The following SLC9A9 variants were observed in gnomAD, a reference collection of about 807,000 sequenced individuals.
The protein encoded by SLC9A9 is solute carrier family 9 member A9.
Under a neutral mutation model 77.8 loss-of-function variants are expected in SLC9A9, and 62 were observed. The observed-to-expected ratio is 0.80, with a 90% CI of 0.65 to 0.98. The LOEUF is 0.98. Ranked by LOEUF, SLC9A9 falls within the 50% of genes least tolerant of loss-of-function variation. SLC9A9 has a pLI of 0.00. For missense variants in SLC9A9, 775 were observed against 774.9 expected (o/e 1.00, Z 0.00); for synonymous variants, 320 against 283.5 (o/e 1.13, Z -1.29).
intron 6 of SLC9A9, among the ~76,000 whole-genome samples, chr3:143,618,285 A>G (rs2038141434): frequency 6.6e-6 from 1 of 152,214 alleles, no homozygotes; most frequent in South Asian, 2.1e-4. Context: ...TTTATATTAA[A>G]TACATTGGGA....
At chr3:143,562,033 G>C (rs2037096197) in intron 8 of SLC9A9, among the ~76,000 whole-genome samples, 1 of 152,146 alleles carries the variant, frequency 6.6e-6, no homozygotes, top group Non-Finnish European at 1.5e-5. Flanking sequence ...TAAGCTACCA[G>C]ACTTACATGA....
intron 4 of SLC9A9, among the ~76,000 whole-genome samples, chr3:143,715,090 C>T (rs561759951): frequency 6.6e-6 from 1 of 152,318 alleles, no homozygotes; most frequent in South Asian, 2.1e-4. Context: ...GTCTCTCCAG[C>T]CAAGTGGAAC....
chr3:143,469,516 G>A (rs1373553496), intron 11 of SLC9A9, among the ~76,000 whole-genome samples: 1 of 152,158 alleles, frequency 6.6e-6, no homozygotes, highest in Non-Finnish European at 1.5e-5. Context: ...TTCTAAATCT[G>A]TATTCGTACA....
chr3:143,374,465 G>C (rs757255675), intron 13 of SLC9A9, among the ~76,000 whole-genome samples: 1 of 141,048 alleles, frequency 7.1e-6, no homozygotes, highest in South Asian at 2.3e-4. Context: ...ATGGAGGCCA[G>C]AACACAACAG....
intron 4 of SLC9A9, among the ~76,000 whole-genome samples, chr3:143,759,871 C>G (rs6773316): frequency 6.6e-6 from 1 of 151,540 alleles, no homozygotes; most frequent in African/African-American, 2.4e-5. Flanking sequence ...CAATACTGTA[C>G]GCACAAGCAG....
chr3:143,492,336 C>A (rs1347352513), intron 11 of SLC9A9, among the ~76,000 whole-genome samples: 1 of 151,850 alleles, frequency 6.6e-6, no homozygotes, highest in African/African-American at 2.4e-5. Context: ...CAACTTCTCA[C>A]CTTCCTTATG....
At chr3:143,824,267 G>A (rs1480262377) in intron 2 of SLC9A9, among the ~76,000 whole-genome samples, 1 of 151,054 alleles carries the variant, frequency 6.6e-6, no homozygotes, top group Non-Finnish European at 1.5e-5. Context: ...GAATATTCAT[G>A]AATAAAATGG....
intron 4 of SLC9A9, among the ~76,000 whole-genome samples, chr3:143,718,721 G>A (rs773321572): frequency 1.2e-4 from 18 of 152,164 alleles, no homozygotes; most frequent in Non-Finnish European, 2.4e-4. Context: ...ATCAGCCCAC[G>A]CAGGCAGTAT....
intron 4 of SLC9A9, among the ~76,000 whole-genome samples, chr3:143,774,941 G>C (rs375265561): frequency 1.3e-5 from 2 of 152,068 alleles, no homozygotes; most frequent in East Asian, 1.9e-4. Flanking sequence ...TCCCACAGTA[G>C]TGCTCCACCA....
intron 14 of SLC9A9, chr3:143,344,707 A>G (rs1441409865): frequency 6.6e-6 from 1 of 152,198 alleles, no homozygotes; most frequent in African/African-American, 2.4e-5. Context: ...GGTAACAGAA[A>G]TGGTGCCTAC....
At chr3:143,733,663 G>C (rs1282885305) in intron 4 of SLC9A9, among the ~76,000 whole-genome samples, 4 of 152,030 alleles carry the variant, frequency 2.6e-5, no homozygotes, top group Non-Finnish European at 4.4e-5. Flanking sequence ...AGGCAAGATA[G>C]CCAGCAGACC....
At chr3:143,399,953 A>G (rs1045765197) in intron 12 of SLC9A9, among the ~76,000 whole-genome samples, 1 of 152,174 alleles carries the variant, frequency 6.6e-6, no homozygotes, top group Non-Finnish European at 1.5e-5. Context: ...AATTTGTTAC[A>G]CTCATATATA....
At chr3:143,307,113 G>A (rs1178026801) in intron 14 of SLC9A9, among the ~76,000 whole-genome samples, 1 of 152,206 alleles carries the variant, frequency 6.6e-6, no homozygotes, top group Non-Finnish European at 1.5e-5. Context: ...CTCAGTGATT[G>A]CCTGGTTTAG....
chr3:143,370,966 A>G (rs2033046268), intron 13 of SLC9A9, among the ~76,000 whole-genome samples: 1 of 151,990 alleles, frequency 6.6e-6, no homozygotes, highest in Non-Finnish European at 1.5e-5. Flanking sequence ...GTAAGGAGAT[A>G]AAGTTCAAGC....
At chr3:143,728,251 G>A (rs1241636696) in intron 4 of SLC9A9, among the ~76,000 whole-genome samples, 5 of 152,186 alleles carry the variant, frequency 3.3e-5, no homozygotes, top group Admixed American at 2.0e-4. Flanking sequence ...TGGAGAAAAC[G>A]ACCTGTCAGT....
intron 12 of SLC9A9, among the ~76,000 whole-genome samples, chr3:143,413,648 G>A (rs1307696579): frequency 6.6e-6 from 1 of 152,194 alleles, no homozygotes; most frequent in Non-Finnish European, 1.5e-5. Flanking sequence ...TGTCAGCTCT[G>A]TCCTTGACCT....
chr3:143,841,957 G>A (rs1287238618), intron 1 of SLC9A9, among the ~76,000 whole-genome samples: 3 of 152,074 alleles, frequency 2.0e-5, no homozygotes, highest in African/African-American at 2.4e-5. Context: ...GTTTCATCAT[G>A]TTGGTCAGGC....
At chr3:143,789,920 T>C (rs1252538803) in intron 4 of SLC9A9, among the ~76,000 whole-genome samples, 1 of 152,210 alleles carries the variant, frequency 6.6e-6, no homozygotes, top group Admixed American at 6.5e-5. Context: ...CATGTTTTCC[T>C]GAGTGAGTTA....
intron 6 of SLC9A9, among the ~76,000 whole-genome samples, chr3:143,631,584 T>C (rs2108727493): frequency 6.6e-6 from 1 of 152,252 alleles, no homozygotes; most frequent in Non-Finnish European, 1.5e-5. Context: ...TATATTGCCT[T>C]TCCTCTTATC....
Sources: allele counts gnomAD v4.1 joint callset (sites outside exome capture counted in the v4.1 genomes callset), GRCh38; gene constraint gnomAD v4.1.1; transcripts MANE v1.5; gene names NCBI Gene and HGNC (gene_info 2026-07-23, HGNC 2026-07-21).